RTTN: variants seen among roughly 807,000 people sequenced by gnomAD.
The protein encoded by RTTN is rotatin.
RTTN carries 182 observed loss-of-function variants against 269.2 expected under a neutral mutation model. The observed-to-expected ratio is 0.68, with a 90% CI of 0.60 to 0.76. The LOEUF (loss-of-function observed/expected upper bound fraction) is 0.76. Ranked by LOEUF, RTTN falls within the 30% of genes least tolerant of loss-of-function variation. The probability of loss-of-function intolerance (pLI) is 0.00; values close to 1 mark genes in which losing one functional copy is unlikely to be tolerated. For missense variants in RTTN, 2,545 were observed against 2,608.6 expected, an observed-to-expected ratio of 0.98 and a Z score of 0.53; for synonymous variants, 1,006 against 963.5, an observed-to-expected ratio of 1.04 and a Z score of -0.82.
At chr18:70,011,762 T>TA (rs35661944) in intron 46 of RTTN, among the ~76,000 whole-genome samples, 125,011 of 152,188 alleles carry the variant, frequency 0.82, 55,854 homozygotes, top group East Asian at 1. Context: ...GATAAATAAA[T>TA]AAGGGTACTA....
At chr18:70,041,448 G>T (rs2057337974) in intron 40 of RTTN, among the ~76,000 whole-genome samples, 1 of 151,874 alleles carries the variant, frequency 6.6e-6, no homozygotes, top group South Asian at 2.1e-4. Flanking sequence ...AGTGTATTAG[G>T]CTTGGGAAAC....
chr18:70,180,045 C>T (rs1289100723), intron 10 of RTTN, among the ~76,000 whole-genome samples: 3 of 152,102 alleles, frequency 2.0e-5, no homozygotes, highest in Non-Finnish European at 4.4e-5. Context: ...ACTACCAGGC[C>T]TATCCTTTAT....
At chr18:70,006,613 T>C (rs1434634400) in intron 46 of RTTN, 129 bp from the exon 47 acceptor site, 8 of 683,592 alleles carry the variant, frequency 1.2e-5, no homozygotes, top group East Asian at 2.7e-5. Flanking sequence ...CACTAGACTA[T>C]GGCAAAACCA....
intron 10 of RTTN, among the ~76,000 whole-genome samples, chr18:70,182,986 C>G (rs79121585): frequency 0.019 from 2,949 of 152,258 alleles, 97 homozygotes; most frequent in African/African-American, 0.066. Context: ...TAATAACTCA[C>G]AGATAGGCCA....
At position 70,205,146 on chromosome 18, in the gene RTTN, C is replaced by CA. The variant is rs761600656; in HGVS notation, c.200dup (p.Leu68ValfsTer6). Reference sequence around the variant, plus strand: ...ACCCTACCTTAACCAATCTGCTTAACAGGTTCAGAACCTCTTCCTTCATCG... The same window carrying CA: ...ACCCTACCTTAACCAATCTGCTTAACAAGGTTCAGAACCTCTTCCTTCATCG... On this transcript the variant is annotated frameshift_variant, in exon 2 of 49. Transcript: ENST00000640769. LOFTEE classifies it high-confidence loss of function. 1.2e-6 allele frequency: 2 copies of CA among 1,614,238 alleles called. No homozygotes were observed. The highest frequency in any genetic ancestry group is 4.5e-5 in the East Asian group (2 of 44,894).
In RTTN at chr18:70,004,243, T is replaced by C. The variant is rs779249909; in HGVS notation, c.6596-7A>G. 6.2e-6 allele frequency: 10 copies of C among 1,605,162 alleles called. No homozygotes were observed. The highest frequency in any genetic ancestry group is 1.7e-5 in the Admixed American group (1 of 59,946). The stretch of plus-strand genomic sequence containing the variant: ...GCTTCTGAGTTTGGGAAAGCTGAGA[T>C]AGAAAAATAAGAGTACAGAAATACT... On this transcript the variant is annotated splice_region_variant and splice_polypyrimidine_tract_variant and intron_variant, in intron 48 of 48. Transcript: ENST00000640769.
At chr18:70,174,858 TAA>T (rs66794784) in intron 11 of RTTN, among the ~76,000 whole-genome samples, 8 of 143,708 alleles carry the variant, frequency 5.6e-5, no homozygotes, top group African/African-American at 5.1e-5. Context: ...TGGTCTCTAC[TAA>T]AAAAAAAAAA....
intron 32 of RTTN, among the ~76,000 whole-genome samples, chr18:70,080,413 A>G (rs1278694300): frequency 1.3e-5 from 2 of 152,158 alleles, no homozygotes; most frequent in Non-Finnish European, 2.9e-5. Flanking sequence ...TGGCTCAAAT[A>G]TTGATAAAGA....
intron 46 of RTTN, chr18:70,008,836 T>C (rs2056279526): frequency 6.6e-6 from 1 of 152,122 alleles, no homozygotes; most frequent in Non-Finnish European, 1.5e-5. Context: ...GAAAATACTC[T>C]TCAGGATATT....
At chr18:70,187,860 A>G (rs527814917) in intron 10 of RTTN, among the ~76,000 whole-genome samples, 7 of 152,332 alleles carry the variant, frequency 4.6e-5, no homozygotes, top group African/African-American at 1.7e-4. Context: ...GAAAAGAATG[A>G]TATCACAGTA....
intron 40 of RTTN, among the ~76,000 whole-genome samples, chr18:70,038,711 A>G (rs1188777758): frequency 6.6e-6 from 1 of 152,188 alleles, no homozygotes; most frequent in African/African-American, 2.4e-5. Flanking sequence ...GGAAAAAATG[A>G]CCCCACCAAA....
At chr18:70,193,556 T>C in intron 7 of RTTN, 103 bp from the exon 8 acceptor site, 2 of 889,766 alleles carry the variant, frequency 2.2e-6, no homozygotes, top group South Asian at 2.2e-5. Context: ...CAAATTAAGA[T>C]AGTAGGAATC....
chr18:70,097,314 C>T (rs2059028371), intron 28 of RTTN, among the ~76,000 whole-genome samples: 1 of 152,168 alleles, frequency 6.6e-6, no homozygotes, highest in Non-Finnish European at 1.5e-5. Flanking sequence ...GCTTTAATTA[C>T]TAAGAAACTA....
At chr18:70,121,372 T>A (rs2059733152) in intron 26 of RTTN, among the ~76,000 whole-genome samples, 184 bp downstream of exon 26, 1 of 152,206 alleles carries the variant, frequency 6.6e-6, no homozygotes. Context: ...CTGTACAGAA[T>A]TTTAATAAAC....
In RTTN at chr18:70,143,462, G is replaced by A. The variant is rs114055018; in HGVS notation, c.2482-1075C>T. Among the ~76,000 whole-genome samples, 873 of 152,232 alleles carry A rather than the reference G, an allele frequency of 5.7e-3. 7 individuals are homozygous for A. The highest frequency in any genetic ancestry group is 0.018 in the African/African-American group (734 of 41,534). ...CTTTTGAGGGAACATGGATGAAGCC[G>A]GAGGCCATTATCCTTAGCAAAATAA... On this transcript the variant is annotated intron_variant, in intron 18 of 48. Coordinates refer to ENST00000640769, the MANE Select transcript of RTTN (RefSeq NM_173630.4).
chr18:70,196,825 G>C (rs2061821130), intron 6 of RTTN, among the ~76,000 whole-genome samples, 177 bp from the exon 7 acceptor site: 1 of 152,148 alleles, frequency 6.6e-6, no homozygotes, highest in Admixed American at 6.5e-5. Flanking sequence ...AAAGCAAGGA[G>C]ATGGGTCAAA....
chr18:70,041,768 AG>A (rs984209660), intron 40 of RTTN, among the ~76,000 whole-genome samples: 57 of 152,276 alleles, frequency 3.7e-4, no homozygotes, highest in African/African-American at 1.3e-3. Flanking sequence ...AAACCTTTGA[AG>A]GATTAAGTGA....
intron 18 of RTTN, among the ~76,000 whole-genome samples, chr18:70,145,245 C>T (rs1296150458): frequency 6.6e-6 from 1 of 152,146 alleles, no homozygotes; most frequent in Non-Finnish European, 1.5e-5. Flanking sequence ...TTCAGAGCTC[C>T]CACTGATTCT....
intron 32 of RTTN, among the ~76,000 whole-genome samples, chr18:70,078,520 C>T (rs1012869246): frequency 1.3e-5 from 2 of 151,780 alleles, no homozygotes; most frequent in African/African-American, 2.4e-5. Flanking sequence ...AAACAGGAAC[C>T]TCAAGGGAAA....
Sources: gnomAD v4.1 joint callset for allele counts (sites outside exome capture counted in the v4.1 genomes callset) on GRCh38, gnomAD v4.1.1 for gene constraint, MANE v1.5 for transcripts, NCBI Gene and HGNC (gene_info 2026-07-23, HGNC 2026-07-21) for gene names.